HSD17B12: variants seen among roughly 807,000 people sequenced by gnomAD.
The protein encoded by HSD17B12 is hydroxysteroid 17-beta dehydrogenase 12, also known as very-long-chain 3-oxoacyl-CoA reductase.
A neutral mutation model predicts 39.3 loss-of-function variants in HSD17B12; 32 were observed. The ratio of observed to expected loss-of-function variants is 0.81; its 90% confidence interval spans 0.61 to 1.09. The LOEUF is 1.09. HSD17B12 is among the 50% of genes least tolerant of loss of function. The pLI, the probability that HSD17B12 is intolerant of heterozygous loss-of-function variation, is 0.00. For missense variants in HSD17B12, 342 were observed against 382.9 expected (o/e 0.89, Z 0.89); for synonymous variants, 150 against 146.7 (o/e 1.02, Z -0.16).
At chr11:43,787,088 T>A (rs1950822132) in intron 3 of HSD17B12, among the ~76,000 whole-genome samples, 1 of 152,086 alleles carries the variant, frequency 6.6e-6, no homozygotes, top group Non-Finnish European at 1.5e-5. Context: ...ATTACAGGCA[T>A]GTACCACCAT....
chr11:43,659,635 T>C, the HSD17B12 span, among the ~76,000 whole-genome samples: 2,743 of 147,336 alleles, frequency 0.019, 30 homozygotes, highest in Non-Finnish European at 0.027. Flanking sequence ...ATTAAAAACT[T>C]TTCCTTATCA....
At chr11:43,632,802 C>T in the HSD17B12 span, among the ~76,000 whole-genome samples, 7 of 152,064 alleles carry the variant, frequency 4.6e-5, no homozygotes, top group Admixed American at 4.6e-4. Flanking sequence ...GACATTTGGG[C>T]ATGTTGGCAT....
chr11:43,598,434 G>A, the HSD17B12 span, among the ~76,000 whole-genome samples: 31 of 152,050 alleles, frequency 2.0e-4, no homozygotes, highest in Non-Finnish European at 4.3e-4. Flanking sequence ...CTCGATCTCG[G>A]TGAAGCTGAT....
intron 3 of HSD17B12, among the ~76,000 whole-genome samples, chr11:43,792,681 C>A (rs1950878515): frequency 1.7e-5 from 2 of 116,138 alleles, no homozygotes; most frequent in Admixed American, 7.9e-5. Context: ...CTCAATGTAA[C>A]CTTTTTTTTT....
At chr11:43,750,776 G>T in intron 1 of HSD17B12, 135 bp from the exon 2 acceptor site, 1 of 512,160 alleles carries the variant, frequency 2.0e-6, no homozygotes, top group South Asian at 4.1e-5. Context: ...CCTTAGATTT[G>T]AACCGCTGGT....
the HSD17B12 span, among the ~76,000 whole-genome samples, chr11:43,640,375 GGA>G: frequency 6.6e-6 from 1 of 152,098 alleles, no homozygotes; most frequent in Non-Finnish European, 1.5e-5. Context: ...GCATTAAAAA[GGA>G]GAGACAATTG....
chr11:43,569,255 G>A, the HSD17B12 span: 2 of 152,202 alleles, frequency 1.3e-5, no homozygotes, highest in African/African-American at 4.8e-5. Flanking sequence ...CCTTCCACTA[G>A]TTGCCCCTTC....
intron 1 of HSD17B12, among the ~76,000 whole-genome samples, chr11:43,681,752 G>A (rs557804342): frequency 6.6e-6 from 1 of 151,620 alleles, no homozygotes; most frequent in African/African-American, 2.4e-5. Flanking sequence ...ACTTGTAGTC[G>A]GAGGATTTTT....
intron 1 of HSD17B12, among the ~76,000 whole-genome samples, chr11:43,695,146 G>A (rs1159305571): frequency 1.3e-5 from 2 of 151,758 alleles, no homozygotes; most frequent in African/African-American, 2.4e-5. Context: ...AAAAGATCAT[G>A]CATTTTGGGA....
chr11:43,690,389 TATATATATATATATA>T (rs1249636716), intron 1 of HSD17B12, among the ~76,000 whole-genome samples: 300 of 26,616 alleles, frequency 0.011, 44 homozygotes, highest in East Asian at 0.021. Flanking sequence ...TATATATATA[TATATATATATATATA>T]TTTTTTTTTT....
At chr11:43,662,377 T>TTGTTTGTGTG in the HSD17B12 span, among the ~76,000 whole-genome samples, 31 of 128,524 alleles carry the variant, frequency 2.4e-4, no homozygotes, top group South Asian at 2.6e-3. Flanking sequence ...TTTATTTTAT[T>TTGTTTGTGTG]TGTGTGTGTG....
intron 3 of HSD17B12, among the ~76,000 whole-genome samples, chr11:43,792,134 G>A (rs75331470): frequency 0.013 from 2,035 of 152,280 alleles, 65 homozygotes; most frequent in African/African-American, 0.044. Flanking sequence ...TCACCCCAAG[G>A]GATAGTAGGG....
At chr11:43,778,211 A>G (rs140099389) in intron 3 of HSD17B12, among the ~76,000 whole-genome samples, 4,109 of 152,324 alleles carry the variant, frequency 0.027, 189 homozygotes, top group African/African-American at 0.092. Context: ...AAACACCTCT[A>G]TGCAAATAAA....
intron 4 of HSD17B12, 114 bp from the exon 5 acceptor site, chr11:43,815,323 G>A: frequency 2.0e-6 from 1 of 494,450 alleles, no homozygotes; most frequent in Non-Finnish European, 3.5e-6. Flanking sequence ...GCCATAAACA[G>A]CATTTTATAT....
At chr11:43,629,694 T>C in the HSD17B12 span, among the ~76,000 whole-genome samples, 518 of 152,348 alleles carry the variant, frequency 3.4e-3, 3 homozygotes, top group East Asian at 0.03. Flanking sequence ...TGATTGCAGC[T>C]TCTTTTTTGT....
the HSD17B12 span, among the ~76,000 whole-genome samples, chr11:43,566,563 T>A: frequency 6.6e-6 from 1 of 151,938 alleles, no homozygotes; most frequent in Non-Finnish European, 1.5e-5. Context: ...GGATTCTTGC[T>A]CTGTCACCCA....
At chr11:43,719,624 A>G (rs892849729) in intron 1 of HSD17B12, among the ~76,000 whole-genome samples, 18 of 126,646 alleles carry the variant, frequency 1.4e-4, no homozygotes, top group Admixed American at 6.3e-4. Context: ...TCAAAAAAAA[A>G]AAAATATATA....
At chr11:43,596,353 A>G in the HSD17B12 span, among the ~76,000 whole-genome samples, 1 of 152,164 alleles carries the variant, frequency 6.6e-6, no homozygotes, top group African/African-American at 2.4e-5. Context: ...TGGGTAGAGT[A>G]AAGAAAAACA....
At chr11:43,702,988 T>C (rs558996252) in intron 1 of HSD17B12, among the ~76,000 whole-genome samples, 1 of 152,278 alleles carries the variant, frequency 6.6e-6, no homozygotes, top group Admixed American at 6.5e-5. Context: ...TGCATCAGTA[T>C]TCATCAGAGA....
Sources: allele counts gnomAD v4.1 joint callset (sites outside exome capture counted in the v4.1 genomes callset), GRCh38; gene constraint gnomAD v4.1.1; transcripts MANE v1.5; gene names NCBI Gene and HGNC (gene_info 2026-07-23, HGNC 2026-07-21).